TXLNA: variants seen among roughly 807,000 people sequenced by gnomAD.
TXLNA encodes alpha-taxilin.
TXLNA carries 9 observed loss-of-function variants against 61.4 expected under a neutral mutation model. The ratio of observed to expected loss-of-function variants is 0.15; its 90% CI spans 0.09 to 0.26. The LOEUF is 0.26. Among genes scored for constraint, TXLNA ranks in the 10% least tolerant of loss-of-function variants. TXLNA has a pLI of 1.00. For synonymous variants in TXLNA, 257 were observed against 267.7 expected (o/e 0.96, Z 0.39); for missense variants, 565 against 688.8 (o/e 0.82, Z 2.01).
At chr1:32,180,086 G>T (rs1642619063) in intron 1 of TXLNA, 1 of 375,276 alleles carries the variant, frequency 2.7e-6, no homozygotes, top group Non-Finnish European at 4.8e-6. Flanking sequence ...TGGCTCCAGG[G>T]AGAAGAGGCC....
rs1192785342 is a variant in TXLNA, at chr1:32,195,785, G to GC, written c.*591dup. The GC allele has an allele frequency of 4.4e-6, 2 of 456,098 alleles. No homozygotes were observed. The highest frequency in any genetic ancestry group is 8.8e-6 in the Non-Finnish European group (2 of 226,956). The allele number at this position is 456,098 out of a possible 1,614,324, so 28.3% of individuals were successfully genotyped here. The stretch of plus-strand genomic sequence containing the variant: ...AACAAGGGACCTGGAGAATGTTTTT[G>GC]CGTGGGATGATGTGCTGGTCAGGAG... On this transcript the variant is annotated 3_prime_UTR_variant, in exon 11 of 11. Transcript: ENST00000373610.
In TXLNA at chr1:32,189,948, G is replaced by A. The variant is rs1012839121; in HGVS notation, c.769-107G>A. 8 of 1,234,058 alleles carry A rather than the reference G, an allele frequency of 6.5e-6. No individual in the cohort carries two copies. The Admixed American group carries it at 1.2e-4, about 18-fold the overall frequency. The allele number at this position is 1,234,058 out of a possible 1,614,324, so 76.4% of individuals were successfully genotyped here. A position where few individuals can be genotyped will look rare whatever the true frequency, so the allele number is the denominator to read the frequency against. ...ACATCCTGGAGTCTGGCTACTCCAC[G>A]CTTTGGGAGCAGGGAGGGCTGTTGG... On this transcript the variant is annotated intron_variant, in intron 5 of 10. Transcript: ENST00000373610.
In TXLNA at chr1:32,181,583, C is replaced by T; in HGVS notation, c.505+6C>T. On this transcript the variant is annotated splice_donor_region_variant and intron_variant, in intron 3 of 10. Transcript: ENST00000373610. ...GAAAAAAGCCAAGGGTTTGGGTGAG[C>T]AGAGGGCGGCTCTTTGTGAAGCTGG... 2 of 1,522,570 alleles carry T rather than the reference C, an allele frequency of 1.3e-6. No homozygotes were observed. Among genetic ancestry groups the T allele is most frequent in the East Asian group, 4.9e-5 (2 of 40,600 alleles). 94.3% of individuals were successfully genotyped at this position (1,522,570 alleles called of 1,614,324 possible). A position where few individuals can be genotyped will look rare whatever the true frequency, so the allele number is the denominator to read the frequency against.
intron 3 of TXLNA, among the ~76,000 whole-genome samples, chr1:32,183,521 G>A (rs1006809595): frequency 7.0e-6 from 1 of 142,176 alleles, no homozygotes; most frequent in Non-Finnish European, 1.5e-5. Flanking sequence ...CCACCTCCTG[G>A]GTTCACGCCA....
chr1:32,180,650 G>T, intron 2 of TXLNA, 136 bp downstream of exon 2: 1 of 1,170,478 alleles, frequency 8.5e-7, no homozygotes, highest in Non-Finnish European at 1.2e-6. Flanking sequence ...GGGGGCCGCG[G>T]TCCCCCCTGC....
rs1339898375 is a variant in TXLNA at position 32,198,125 on chromosome 1, C to T, written c.*2930C>T. On this transcript the variant is annotated 3_prime_UTR_variant, in exon 11 of 11. Transcript: ENST00000373610. ...GCCCTTCCTGGGGGAAGGGAGCTGCCTTCTGTCCCTGTAACTGCTTTCCTT... is the reference window on the plus strand; with the variant it reads ...GCCCTTCCTGGGGGAAGGGAGCTGCTTTCTGTCCCTGTAACTGCTTTCCTT... 6.6e-6 allele frequency: 1 copy of T among 152,320 alleles called. No homozygotes were observed. The highest frequency in any genetic ancestry group is 1.5e-5 in the Non-Finnish European group (1 of 68,100). The allele number at this position is 152,320 out of a possible 1,614,324, so 9.4% of individuals were successfully genotyped here. A position where few individuals can be genotyped will look rare whatever the true frequency, so the allele number is the denominator to read the frequency against.
Position 32,195,011 on chromosome 1 carries a change from A to T in TXLNA, c.1457A>T (p.Gln486Leu). Residue 486 changes from glutamine (Q) to leucine (L), a missense_variant, in exon 11 of 11, where the codon CAG becomes CTG. Physicochemically the swap from Gln to Leu is moderately radical, Grantham distance 113. This residue lies in a region of TXLNA where 373 missense variants were observed against 504.0 expected (regional missense o/e 0.74). Coordinates refer to ENST00000373610, the MANE Select transcript of TXLNA (RefSeq NM_175852.4). ...CGCAATGACCTGAACAAGAGGGTAC[A>T]GGACCTGAGTGCTGGTGGCCAGGGC... is the stretch of plus-strand genomic sequence containing the variant. ...TERNDLNKRV[Q>L]DLSAGGQGSL... 6.2e-7 allele frequency: 1 copy of T among 1,614,226 alleles called. No homozygotes were observed. The highest frequency in any genetic ancestry group is 8.5e-7 in the Non-Finnish European group (1 of 1,180,018).
intron 8 of TXLNA, 93 bp from the exon 9 acceptor site, chr1:32,193,115 C>T (rs1054263722): frequency 7.5e-6 from 6 of 804,448 alleles, no homozygotes; most frequent in African/African-American, 6.8e-5. Context: ...AATAGAATTA[C>T]TGGTCAGAGA....
In TXLNA at chr1:32,179,728, T is replaced by A. The variant is rs1642606631; in HGVS notation, c.-81T>A. ...CTGGCCGGCAGCAGTTACTCGGGGT[T>A]TCCGGTGCGAGGCCAGAGGTGGGGA... On this transcript the variant is annotated 5_prime_UTR_variant, in exon 1 of 11. Coordinates refer to ENST00000373610, the MANE Select transcript of TXLNA (RefSeq NM_175852.4). 6.6e-6 allele frequency: 1 copy of A among 152,458 alleles called. No homozygotes were observed. The highest frequency in any genetic ancestry group is 2.4e-5 in the African/African-American group (1 of 41,452). 9.4% of individuals were successfully genotyped at this position (152,458 alleles called of 1,614,324 possible).
At chr1:32,182,767 T>G (rs1400943716) in intron 3 of TXLNA, among the ~76,000 whole-genome samples, 1 of 151,820 alleles carries the variant, frequency 6.6e-6, no homozygotes, top group Non-Finnish European at 1.5e-5. Flanking sequence ...AAAGAGGAAC[T>G]TTAAAAAATC....
At chr1:32,185,919 T>A (rs55666339) in intron 4 of TXLNA, among the ~76,000 whole-genome samples, 1 of 141,310 alleles carries the variant, frequency 7.1e-6, no homozygotes, top group Non-Finnish European at 1.6e-5. Context: ...AGGATGGTCT[T>A]GATCTCTTGG....
chr1:32,187,963 C>T lies in TXLNA; in HGVS notation c.607C>T (p.His203Tyr). 1 of 1,613,654 alleles carries T rather than the reference C, an allele frequency of 6.2e-7. No individual in the cohort carries two copies. The highest frequency in any genetic ancestry group is 1.1e-5 in the South Asian group (1 of 90,962). ...CTATCCCTGTCCCCAGCTGGAGGAG[C>T]ACCGGAATTCACAGAAGCAGATGAA... is the stretch of plus-strand genomic sequence containing the variant. ...CKKYAELLEE[H>Y]RNSQKQMKLL... The change falls in exon 5 of 11, where the codon CAC becomes TAC. Residue 203 changes from histidine to tyrosine, a missense_variant. By Grantham distance (83) the His-to-Tyr change is moderately conservative. Transcript: ENST00000373610.
At position 32,192,425 on chromosome 1, in the gene TXLNA, G is replaced by T. The variant is rs750768304; in HGVS notation, c.1078G>T (p.Asp360Tyr). The T allele has an allele frequency of 6.8e-5, 110 of 1,610,910 alleles. No homozygotes were observed. The highest frequency in any genetic ancestry group is 8.9e-5 in the Non-Finnish European group (105 of 1,179,308). ...EAEERHQREKDFLLKEAVESQ... is the reference protein window; with the variant it reads ...EAEERHQREKYFLLKEAVESQ... ...AGAAGAGCGGCACCAGCGGGAGAAG[G>T]ATTTTGTGAGGCTCAGGCCCCAGGG... The change falls in exon 7 of 11, where the codon GAT (aspartate) becomes TAT (tyrosine). Residue 360 changes from aspartate to tyrosine, a missense_variant. By Grantham distance (160) the Asp-to-Tyr change is radical. Around this residue, in one of 2 missense-constraint regions of TXLNA, gnomAD observed 373 missense variants for 504.0 expected, o/e 0.74. Transcript: ENST00000373610. This position sits in a 1 kb window ranked among gnomAD's most constrained non-coding sequence, Gnocchi z 4.2.
chr1:32,180,638 C>T, intron 2 of TXLNA, 124 bp downstream of exon 2: 1 of 1,269,822 alleles, frequency 7.9e-7, no homozygotes, highest in Non-Finnish European at 1.1e-6. Context: ...GAGGACAGTG[C>T]TGGGGGCCGC....
chr1:32,192,843 G>A lies in TXLNA; in HGVS notation c.1158+112G>A. On this transcript the variant is annotated intron_variant, in intron 8 of 10. Coordinates refer to ENST00000373610, the MANE Select transcript of TXLNA (RefSeq NM_175852.4). The surrounding 1 kb of genome is among the most constrained non-coding windows in gnomAD (Gnocchi z 4.2). ...GGACTGGCTGTGTCCTGGCTGCTAT[G>A]ACGCCTTGGTTGAGCCTTTGTTCTC... The A allele has an allele frequency of 1.8e-6, 2 of 1,135,196 alleles. No individual in the cohort carries two copies. Among genetic ancestry groups the A allele is most frequent in the South Asian group, 2.7e-5 (2 of 74,252 alleles). 70.3% of individuals were successfully genotyped at this position (1,135,196 alleles called of 1,614,324 possible).
At position 32,181,323 on chromosome 1, in the gene TXLNA, G is replaced by C; in HGVS notation, c.251G>C (p.Ser84Thr). ...ELSRQLEDIL[S>T]TYCVDNNQGG... ...AGCCGCCAACTGGAAGACATACTGA[G>C]CACATACTGTGTGGACAATAACCAG... Residue 84 changes from serine to threonine, a missense_variant, in exon 3 of 11, where the codon AGC becomes ACC. By Grantham distance (58) the Ser-to-Thr change is moderately conservative (BLOSUM62 1). This residue lies in a region of TXLNA where 192 missense variants were observed against 184.8 expected (regional missense o/e 1.04). Transcript: ENST00000373610. 6.2e-7 allele frequency: 1 copy of C among 1,614,202 alleles called. No individual in the cohort carries two copies. Among genetic ancestry groups the C allele is most frequent in the Non-Finnish European group, 8.5e-7 (1 of 1,180,034 alleles).
At chr1:32,194,654 C>T (rs1253543210) in intron 10 of TXLNA, among the ~76,000 whole-genome samples, 1 of 152,108 alleles carries the variant, frequency 6.6e-6, no homozygotes, top group East Asian at 1.9e-4. Flanking sequence ...GCTCAAAAGT[C>T]AAGTCCTTTG....
rs112648110 is a variant in TXLNA at position 32,195,977 on chromosome 1, CT to C, written c.*797del. 0.13 allele frequency: 20,290 copies of C among 154,816 alleles called. 973 individuals carry two copies. The highest frequency in any genetic ancestry group is 0.29 in the South Asian group (2,692 of 9,402). The allele number at this position is 154,816 out of a possible 1,614,324, so 9.6% of individuals were successfully genotyped here. On this transcript the variant is annotated 3_prime_UTR_variant, in exon 11 of 11. Transcript: ENST00000373610. ...GGTGTTTTTTTCTTTATTTCTTTTT[CT>C]TTTTTTTTTTTTTTCTTTTTCTTTT...
chr1:32,186,295 G>A lies in TXLNA; in HGVS notation c.598-1659G>A, dbSNP rs1177622625. On this transcript the variant is annotated intron_variant, in intron 4 of 10. Coordinates refer to ENST00000373610, the MANE Select transcript of TXLNA (RefSeq NM_175852.4). ...GGTAACCACATGGCTAGGTCTGTGT[G>A]ACTGGAGGAGAGGACGGGGCAGGTG... is the stretch of plus-strand genomic sequence containing the variant. Among the ~76,000 whole-genome samples, 4 of 152,214 alleles carry A rather than the reference G, an allele frequency of 2.6e-5. No individual in the cohort carries two copies. In the East Asian group the frequency reaches 7.7e-4, roughly 29 times the overall value.
Sources: allele counts gnomAD v4.1 joint callset (sites outside exome capture counted in the v4.1 genomes callset), GRCh38; gene constraint gnomAD v4.1.1; regional missense constraint gnomAD v4.1.1; non-coding constraint Gnocchi (gnomAD v3.1); transcripts MANE v1.5; gene names NCBI Gene and HGNC (gene_info 2026-07-23, HGNC 2026-07-21).